DNAH8: variants seen among roughly 807,000 people sequenced by gnomAD.
DNAH8 encodes the protein dynein axonemal heavy chain 8.
DNAH8 carries 382 observed loss-of-function variants against 562.1 expected under a neutral mutation model. The observed-to-expected ratio is 0.68, with a 90% CI of 0.63 to 0.74. The LOEUF is 0.74. Among genes scored for constraint, DNAH8 ranks in the 30% least tolerant of loss-of-function variants. DNAH8 has a pLI of 0.00. For synonymous variants in DNAH8, 1,881 were observed against 1,919.4 expected (o/e 0.98, Z 0.52); for missense variants, 5,203 against 5,620.4 (o/e 0.93, Z 2.37).
rs535938657 is a variant in DNAH8, at chr6:38,938,174, T to C, written c.11764T>C (p.Tyr3922His). 5.6e-6 allele frequency: 9 copies of C among 1,613,958 alleles called. No homozygotes were observed. The highest frequency in any genetic ancestry group is 1.3e-5 in the African/African-American group (1 of 74,944). ...ITEMSMVNIM[Y>H]QTSLAQFLKL... ...AGAGATGAGCATGGTCAACATCATG[T>C]ATCAGACGTCATTGGCCCAGTTCTT... The change falls in exon 78 of 93, where the codon TAT becomes CAT. Residue 3922 changes from tyrosine (Y) to histidine (H), a missense_variant. This residue lies in a region of DNAH8 where 1,399 missense variants were observed against 1,518.4 expected (regional missense o/e 0.92). Transcript: ENST00000327475.
chr6:38,865,920 C>G (rs1424301299), intron 45 of DNAH8, among the ~76,000 whole-genome samples: 2 of 152,164 alleles, frequency 1.3e-5, no homozygotes, highest in Non-Finnish European at 2.9e-5. Context: ...ATAACTCATT[C>G]CTGTTGGCCT....
chr6:38,942,482 G>A (rs146460278), intron 79 of DNAH8, among the ~76,000 whole-genome samples: 12 of 152,222 alleles, frequency 7.9e-5, no homozygotes, highest in Admixed American at 5.2e-4. Context: ...GGAGAGTGCC[G>A]GAGAAACTCC....
At chr6:38,885,989 T>C (rs932763082) in intron 56 of DNAH8, among the ~76,000 whole-genome samples, 6 of 152,220 alleles carry the variant, frequency 3.9e-5, no homozygotes, top group African/African-American at 1.2e-4. Flanking sequence ...TGTTGGTTAA[T>C]TGAAAGACGG....
At chr6:38,919,629 T>TTA (rs1397808489) in intron 70 of DNAH8, among the ~76,000 whole-genome samples, 3 of 152,220 alleles carry the variant, frequency 2.0e-5, no homozygotes, top group Non-Finnish European at 4.4e-5. Context: ...TAAGAATTAA[T>TTA]TATATTCAAT....
At chr6:38,949,120 A>AC (rs1286396150) in intron 80 of DNAH8, among the ~76,000 whole-genome samples, 1 of 151,920 alleles carries the variant, frequency 6.6e-6, no homozygotes, top group Non-Finnish European at 1.5e-5. Context: ...CCAGGACAGC[A>AC]CCCCCCACAA....
chr6:38,852,810 T>C lies in DNAH8; in HGVS notation c.5571+12T>C. ...GAGAAAAAATTGTTGTAATTTACCT[T>C]GCTTTAAATTTTTTTATTAGAATTT... On this transcript the variant is annotated intron_variant, in intron 40 of 92. Coordinates refer to ENST00000327475, the MANE Select transcript of DNAH8 (RefSeq NM_001206927.2). 1 of 1,592,912 alleles carries C rather than the reference T, an allele frequency of 6.3e-7. No individual in the cohort carries two copies. Among genetic ancestry groups the C allele is most frequent in the Non-Finnish European group, 8.6e-7 (1 of 1,162,366 alleles).
chr6:39,013,868 GAGAA>G (rs899255405), intron 91 of DNAH8, among the ~76,000 whole-genome samples: 1 of 109,140 alleles, frequency 9.2e-6, no homozygotes, highest in Non-Finnish European at 2.0e-5. Flanking sequence ...GAGAGAGAGA[GAGAA>G]AGAGAGAGAG....
At chr6:38,837,237 C>T (rs1774375952) in intron 32 of DNAH8, among the ~76,000 whole-genome samples, 1 of 152,018 alleles carries the variant, frequency 6.6e-6, no homozygotes, top group Admixed American at 6.6e-5. Flanking sequence ...TTTGTCTAAG[C>T]CTTGTGAGGT....
At chr6:38,970,458 T>C (rs1483630743) in intron 82 of DNAH8, among the ~76,000 whole-genome samples, 2 of 152,158 alleles carry the variant, frequency 1.3e-5, no homozygotes. Context: ...CAATTCCTGA[T>C]TCTCCAAGCA....
chr6:38,911,355 T>G, intron 65 of DNAH8, 113 bp from the exon 66 acceptor site: 1 of 823,732 alleles, frequency 1.2e-6, no homozygotes, highest in Non-Finnish European at 2.1e-6. Flanking sequence ...AAGTCCTGTC[T>G]TCCTGCTAGT....
Position 38,938,942 on chromosome 6 carries a change from T to C in DNAH8, c.11961T>C (p.Leu3987=), listed in dbSNP as rs774052144. ...FVLLMTLKID[L]QRGTVKHREF... is the part of the protein sequence containing the mutation. ...TCCTCATGACCTTAAAGATTGACCT[T>C]CAGAGAGGGACAGTTAAGCACAGAG... The change falls in exon 79 of 93, where the codon CTT becomes CTC. Residue 3987 remains leucine (L), a synonymous_variant. Transcript: ENST00000327475. The C allele has an allele frequency of 1.2e-6, 2 of 1,613,934 alleles. No individual in the cohort carries two copies. Among genetic ancestry groups the C allele is most frequent in the East Asian group, 4.5e-5 (2 of 44,858 alleles).
At chr6:38,802,364 C>T (rs780837148) in intron 21 of DNAH8, among the ~76,000 whole-genome samples, 5 of 152,172 alleles carry the variant, frequency 3.3e-5, no homozygotes, top group Admixed American at 6.5e-5. Flanking sequence ...TTGCTTCAGC[C>T]TCCTGAGTAG....
intron 45 of DNAH8, 55 bp from the exon 46 acceptor site, chr6:38,866,536 T>C (rs931440321): frequency 2.4e-6 from 3 of 1,232,170 alleles, no homozygotes; most frequent in Non-Finnish European, 3.4e-6. Context: ...TATATTTGTA[T>C]TCAGAAATGA....
intron 56 of DNAH8, among the ~76,000 whole-genome samples, chr6:38,885,387 C>A (rs1778844226): frequency 6.6e-6 from 1 of 152,128 alleles, no homozygotes; most frequent in Admixed American, 6.5e-5. Flanking sequence ...TGGCGCCACC[C>A]ACCACCAGCT....
rs368692182 is a variant in DNAH8, at chr6:38,780,119, T to A, written c.2139+54T>A. The stretch of plus-strand genomic sequence containing the variant: ...TACATTAGCACAAAAAGAAAAAAAA[T>A]CTGAAAATATTTGCCATCATTGTCT... On this transcript the variant is annotated intron_variant, in intron 15 of 92. Transcript: ENST00000327475. The A allele has an allele frequency of 2.6e-6, 4 of 1,538,346 alleles. No homozygotes were observed. The African/African-American group carries it at 4.1e-5, about 16-fold the overall frequency.
Position 38,737,105 on chromosome 6 carries a change from C to T in DNAH8, c.801C>T (p.Leu267=). 2 of 1,572,004 alleles carry T rather than the reference C, an allele frequency of 1.3e-6. No individual in the cohort carries two copies. Among genetic ancestry groups the T allele is most frequent in the Non-Finnish European group, 1.7e-6 (2 of 1,164,668 alleles). Residue 267 remains leucine (L), a synonymous_variant, in exon 6 of 93, where the codon CTC becomes CTT. Transcript: ENST00000327475. ...LFTVLDASKG[L]LNGIRDMLAN... The stretch of plus-strand genomic sequence containing the variant: ...CTGTTCTGGATGCGTCGAAAGGACT[C>T]TTAAATGGAATTAGGGATATGTTGG...
chr6:38,955,223 C>T (rs1762165341), intron 82 of DNAH8, among the ~76,000 whole-genome samples: 1 of 152,114 alleles, frequency 6.6e-6, no homozygotes, highest in Admixed American at 6.5e-5. Context: ...ATCCTCCCTC[C>T]TTGGCCTCCT....
chr6:38,784,723 G>A (rs1024488280), intron 17 of DNAH8, among the ~76,000 whole-genome samples: 2 of 152,138 alleles, frequency 1.3e-5, no homozygotes, highest in African/African-American at 4.8e-5. Context: ...AAACCTACAA[G>A]GAACTATTAT....
intron 17 of DNAH8, among the ~76,000 whole-genome samples, chr6:38,785,661 T>C (rs1415084150): frequency 6.6e-6 from 1 of 151,826 alleles, no homozygotes; most frequent in East Asian, 1.9e-4. Context: ...GGCCCTGGTG[T>C]GTGCCGTTCC....
Sources: gnomAD v4.1 joint callset for allele counts (sites outside exome capture counted in the v4.1 genomes callset) on GRCh38, gnomAD v4.1.1 for gene constraint, gnomAD v4.1.1 regional missense constraint, MANE v1.5 for transcripts, NCBI Gene and HGNC (gene_info 2026-07-23, HGNC 2026-07-21) for gene names.